Variants in ERBB4 observed in about 807,000 individuals in gnomAD.
The protein encoded by ERBB4 is erb-b2 receptor tyrosine kinase 4.
A neutral mutation model predicts 158.0 loss-of-function variants in ERBB4; 42 were observed. The observed-to-expected ratio is 0.27, with a 90% CI of 0.21 to 0.34. The LOEUF is 0.34. ERBB4 is among the 10% of genes least tolerant of loss of function. The pLI, the probability that ERBB4 is intolerant of heterozygous loss-of-function variation, is 1.00. For synonymous variants in ERBB4, 583 were observed against 558.7 expected (o/e 1.04, Z -0.61); for missense variants, 1,333 against 1,624.1 (o/e 0.82, Z 3.08).
chr2:212,493,322 AT>A (rs113668460), intron 1 of ERBB4, among the ~76,000 whole-genome samples: 1,890 of 151,630 alleles, frequency 0.012, 41 homozygotes, highest in African/African-American at 0.043. Context: ...AATTTTATTA[AT>A]ATTTAATGCA....
At position 211,387,808 on chromosome 2, in the gene ERBB4, GC is replaced by G. The variant is rs1242262380; in HGVS notation, c.3183+136del. ...AGATAAAAACACATCTACAAAGGCAGCTACACGATGTACACCAAATTCTTAA... is the reference window on the plus strand; with the variant it reads ...AGATAAAAACACATCTACAAAGGCAGTACACGATGTACACCAAATTCTTAA... On this transcript the variant is annotated intron_variant, in intron 26 of 27. Coordinates refer to ENST00000342788, the MANE Select transcript of ERBB4 (RefSeq NM_005235.3). 8.1e-6 allele frequency: 6 copies of G among 743,198 alleles called. No individual in the cohort carries two copies. The African/African-American group carries it at 1.0e-4, about 13-fold the overall frequency. The allele number at this position is 743,198 out of a possible 1,614,324, so 46.0% of individuals were successfully genotyped here.
intron 20 of ERBB4, among the ~76,000 whole-genome samples, chr2:211,447,382 GA>G (rs540793021): frequency 0.021 from 3,031 of 147,746 alleles, 94 homozygotes; most frequent in African/African-American, 0.07. Flanking sequence ...TTAATTACAA[GA>G]AAAAAAAAAT....
intron 1 of ERBB4, among the ~76,000 whole-genome samples, chr2:212,168,231 G>A (rs985515326): frequency 6.6e-6 from 1 of 151,860 alleles, no homozygotes; most frequent in African/African-American, 2.4e-5. Context: ...TAAATTCCTG[G>A]GGGAATACAC....
intron 1 of ERBB4, among the ~76,000 whole-genome samples, chr2:212,204,700 C>T (rs1207526578): frequency 1.1e-5 from 1 of 94,126 alleles, no homozygotes; most frequent in South Asian, 2.9e-4. Context: ...CTGTCCCCCA[C>T]AAAAAAAACA....
intron 19 of ERBB4, among the ~76,000 whole-genome samples, chr2:211,577,368 C>T (rs536260692): frequency 6.3e-4 from 95 of 151,926 alleles, no homozygotes; most frequent in African/African-American, 2.2e-3. Context: ...TATTTCTGCT[C>T]TTTTTTTTAC....
At chr2:212,268,539 T>C (rs989957795) in intron 1 of ERBB4, among the ~76,000 whole-genome samples, 3 of 151,856 alleles carry the variant, frequency 2.0e-5, no homozygotes, top group African/African-American at 7.2e-5. Flanking sequence ...AAAAACATTA[T>C]CTAAGTTAAT....
At chr2:212,247,166 A>T (rs568295860) in intron 1 of ERBB4, among the ~76,000 whole-genome samples, 3 of 152,300 alleles carry the variant, frequency 2.0e-5, no homozygotes, top group African/African-American at 7.2e-5. Context: ...ATTGCTGTTC[A>T]TTTAAATTCT....
chr2:212,054,452 G>C (rs1683297247), intron 2 of ERBB4, among the ~76,000 whole-genome samples: 1 of 152,162 alleles, frequency 6.6e-6, no homozygotes, highest in Non-Finnish European at 1.5e-5. Context: ...AGTGGAAAAA[G>C]CTACCAGCAA....
chr2:212,240,665 A>C (rs111842702), intron 1 of ERBB4, among the ~76,000 whole-genome samples: 39 of 145,894 alleles, frequency 2.7e-4, no homozygotes, highest in African/African-American at 9.2e-4. Flanking sequence ...AAAAAAAAAA[A>C]AACAGAAAAA....
At chr2:212,455,054 G>A (rs113022161) in intron 1 of ERBB4, among the ~76,000 whole-genome samples, 3,568 of 152,222 alleles carry the variant, frequency 0.023, 57 homozygotes, top group African/African-American at 0.045. Context: ...CAAATAGGTC[G>A]TGAGAAATTC....
chr2:211,784,468 T>C (rs1168794915), intron 4 of ERBB4, among the ~76,000 whole-genome samples: 1 of 152,238 alleles, frequency 6.6e-6, no homozygotes, highest in Admixed American at 6.5e-5. Flanking sequence ...TTCATCATTG[T>C]ATGTATATAC....
intron 3 of ERBB4, among the ~76,000 whole-genome samples, chr2:211,800,032 T>G (rs1466722447): frequency 6.6e-6 from 1 of 152,160 alleles, no homozygotes; most frequent in Non-Finnish European, 1.5e-5. Context: ...ACCCATAAAA[T>G]TATTCACAAT....
chr2:212,303,064 T>G (rs2086678887), intron 1 of ERBB4, among the ~76,000 whole-genome samples: 1 of 151,236 alleles, frequency 6.6e-6, no homozygotes, highest in Admixed American at 6.6e-5. Context: ...AAGTTTATTA[T>G]TTTCTTAGGT....
intron 20 of ERBB4, among the ~76,000 whole-genome samples, chr2:211,462,628 G>A (rs10804195): frequency 0.59 from 90,317 of 151,956 alleles, 28,599 homozygotes; most frequent in Middle Eastern, 0.7. Context: ...GTTTAAGCGA[G>A]CTTGTTCCAG....
chr2:211,789,106 T>C (rs1224989591), intron 3 of ERBB4, among the ~76,000 whole-genome samples: 4 of 152,178 alleles, frequency 2.6e-5, no homozygotes, highest in Non-Finnish European at 5.9e-5. Flanking sequence ...AAAATATTAT[T>C]CTTATTATTT....
At chr2:212,070,787 C>A (rs2078091793) in intron 2 of ERBB4, among the ~76,000 whole-genome samples, 1 of 151,876 alleles carries the variant, frequency 6.6e-6, no homozygotes, top group Non-Finnish European at 1.5e-5. Context: ...GCTTTGGTTT[C>A]TTTCTTTAAA....
intron 3 of ERBB4, among the ~76,000 whole-genome samples, chr2:211,801,028 A>T (rs746214075): frequency 4.0e-4 from 61 of 152,186 alleles, no homozygotes; most frequent in Non-Finnish European, 7.2e-4. Flanking sequence ...TATTTCTAAA[A>T]ATATAAAATT....
At chr2:211,495,167 A>C (rs537296861) in intron 20 of ERBB4, among the ~76,000 whole-genome samples, 1 of 152,214 alleles carries the variant, frequency 6.6e-6, no homozygotes, top group South Asian at 2.1e-4. Flanking sequence ...GAGTAAGAAG[A>C]GCTATGAAAT....
At chr2:212,073,184 G>T (rs34904541) in intron 2 of ERBB4, among the ~76,000 whole-genome samples, 6 of 151,980 alleles carry the variant, frequency 3.9e-5, no homozygotes, top group African/African-American at 1.4e-4. Flanking sequence ...CTGGAGCCAA[G>T]CTGCAGAAGA....
Sources: gnomAD v4.1 joint callset for allele counts (sites outside exome capture counted in the v4.1 genomes callset) on GRCh38, gnomAD v4.1.1 for gene constraint, MANE v1.5 for transcripts, NCBI Gene and HGNC (gene_info 2026-07-23, HGNC 2026-07-21) for gene names.